The following PACRG variants were observed in gnomAD, a reference collection of about 807,000 sequenced individuals.
PACRG encodes the protein parkin coregulated gene protein.
In PACRG, 29 loss-of-function variants were observed where a neutral mutation model predicts 29.7. That is an observed-to-expected ratio of 0.98 (90% confidence interval 0.73 to 1.33). PACRG has a LOEUF of 1.33. Ranked by LOEUF, PACRG falls within the 40% of genes most tolerant of loss-of-function variation. The pLI is 0.00. For missense variants in PACRG, 279 were observed against 316.2 expected (o/e 0.88, Z 0.89); for synonymous variants, 116 against 118.7 (o/e 0.98, Z 0.15).
At chr6:163,102,991 C>A (rs1815184760) in intron 4 of PACRG, among the ~76,000 whole-genome samples, 1 of 152,110 alleles carries the variant, frequency 6.6e-6, no homozygotes, top group Admixed American at 6.5e-5. Context: ...GTTCTTAGCA[C>A]TTCCTGAGAT....
At chr6:163,291,400 A>AC (rs1207357208) in intron 4 of PACRG, among the ~76,000 whole-genome samples, 2 of 121,532 alleles carry the variant, frequency 1.6e-5, no homozygotes, top group Non-Finnish European at 3.4e-5. Flanking sequence ...CTGCAAGATG[A>AC]CCCTCTGCCT....
At chr6:162,767,372 A>G (rs1782880522) in intron 1 of PACRG, among the ~76,000 whole-genome samples, 1 of 151,836 alleles carries the variant, frequency 6.6e-6, no homozygotes, top group Non-Finnish European at 1.5e-5. Context: ...GGTGACTATA[A>G]TTTTTATCAT....
At chr6:162,775,212 G>A (rs56918289) in intron 1 of PACRG, among the ~76,000 whole-genome samples, 6,562 of 152,214 alleles carry the variant, frequency 0.043, 476 homozygotes, top group African/African-American at 0.15. Flanking sequence ...CACCAAGTCT[G>A]CTGGTGCCTA....
At chr6:163,215,573 C>T (rs970060012) in intron 4 of PACRG, among the ~76,000 whole-genome samples, 3 of 152,066 alleles carry the variant, frequency 2.0e-5, no homozygotes, top group Admixed American at 6.6e-5. Context: ...GCTCATGGGA[C>T]ATCGAGGTAG....
intron 1 of PACRG, among the ~76,000 whole-genome samples, chr6:162,805,304 T>C (rs1353674806): frequency 2.6e-5 from 4 of 152,198 alleles, no homozygotes; most frequent in Admixed American, 2.0e-4. Context: ...TTATACTATA[T>C]TATAGTCTAA....
chr6:163,086,820 C>T, intron 3 of PACRG, among the ~76,000 whole-genome samples: 1 of 152,052 alleles, frequency 6.6e-6, no homozygotes, highest in East Asian at 1.9e-4. Flanking sequence ...AGTTATAAGT[C>T]TTGGAAAATA....
rs1562349362 is a variant in PACRG at position 163,269,837 on chromosome 6, A to AGGAG, written c.614-44990_614-44989insGGAG. The stretch of plus-strand genomic sequence containing the variant: ...GGAAGGAAGGAGAAAGAAAGAAAGA[A>AGGAG]AAAGAAAGAAAGAAAGAAAGAGAAA... On this transcript the variant is annotated intron_variant, in intron 4 of 4. Transcript: ENST00000366888. Among the ~76,000 whole-genome samples, 12 of 34,824 alleles carry AGGAG rather than the reference A, an allele frequency of 3.4e-4. 1 individual carries two copies. Among genetic ancestry groups the AGGAG allele is most frequent in the South Asian group, 8.8e-4 (1 of 1,134 alleles). The allele number at this position is 34,824 out of a possible 152,430, so 22.8% of individuals were successfully genotyped here.
At chr6:162,911,170 C>T (rs1796273662) in intron 2 of PACRG, among the ~76,000 whole-genome samples, 1 of 152,170 alleles carries the variant, frequency 6.6e-6, no homozygotes, top group Non-Finnish European at 1.5e-5. Flanking sequence ...AAGCAAACAG[C>T]TTCATTTTAC....
rs1783083755 is a variant in PACRG, at chr6:163,255,810, A to T, written c.614-59017A>T. ...GCCACCACACCCAGCTAATTTTTGT[A>T]TTTTTAGTAGAGATGGGGTTTTACC... On this transcript the variant is annotated intron_variant, in intron 4 of 4. Transcript: ENST00000366888. Among the ~76,000 whole-genome samples the T allele has an allele frequency of 2.0e-5, 3 of 151,896 alleles. 1 individual carries two copies. The South Asian group carries it at 6.2e-4, about 32-fold the overall frequency.
intron 2 of PACRG, among the ~76,000 whole-genome samples, chr6:163,051,062 C>A (rs1310067208): frequency 6.6e-6 from 1 of 152,230 alleles, no homozygotes; most frequent in Admixed American, 6.5e-5. Context: ...CTGCATTCAT[C>A]TTCCAGCTCC....
At chr6:163,009,628 T>C (rs947112355) in intron 2 of PACRG, among the ~76,000 whole-genome samples, 3 of 152,204 alleles carry the variant, frequency 2.0e-5, no homozygotes, top group African/African-American at 7.2e-5. Context: ...ATCCAAATTA[T>C]GAAAATTATT....
rs116466677 is a variant in PACRG, at chr6:163,299,975, G to A, written c.614-14852G>A. 4.0e-3 allele frequency among the ~76,000 whole-genome samples: 604 copies of A among 152,326 alleles called. 4 individuals carry two copies. The highest frequency in any genetic ancestry group is 0.014 in the African/African-American group (570 of 41,580). ...TCCAGGGTCTTGCTGATAGAAGCAC[G>A]TAGGGGGCACAGAGCTCCCAGTACA... On this transcript the variant is annotated intron_variant, in intron 4 of 4. Transcript: ENST00000366888.
intron 2 of PACRG, among the ~76,000 whole-genome samples, chr6:162,866,738 A>G (rs1457223484): frequency 1.3e-5 from 2 of 152,208 alleles, no homozygotes; most frequent in African/African-American, 4.8e-5. Context: ...ATAAAAGCCT[A>G]AACAGAAAAG....
At chr6:162,874,880 C>T (rs1793164598) in intron 2 of PACRG, among the ~76,000 whole-genome samples, 1 of 152,034 alleles carries the variant, frequency 6.6e-6, no homozygotes, top group Non-Finnish European at 1.5e-5. Context: ...CTCACACACC[C>T]ATTAACACAC....
intron 4 of PACRG, among the ~76,000 whole-genome samples, chr6:163,155,846 T>G (rs1326503188): frequency 6.6e-6 from 1 of 152,228 alleles, no homozygotes; most frequent in African/African-American, 2.4e-5. Context: ...CTTGCTTTAC[T>G]TGCTAGCCTT....
intron 4 of PACRG, among the ~76,000 whole-genome samples, chr6:163,201,922 C>T (rs201163011): frequency 9.9e-5 from 15 of 152,116 alleles, no homozygotes; most frequent in East Asian, 1.9e-4. Context: ...CCAACCTCGA[C>T]GTTAGATTTG....
At chr6:163,184,975 T>C (rs1391521877) in intron 4 of PACRG, 1 of 151,928 alleles carries the variant, frequency 6.6e-6, no homozygotes, top group Non-Finnish European at 1.5e-5. Flanking sequence ...TCATGGAAGA[T>C]TTGTTTTGTT....
rs1373831788 is a variant in PACRG, at chr6:162,787,580, GTGTATATATATATATATA to G, written c.157-26565_157-26548del. Among the ~76,000 whole-genome samples the G allele has an allele frequency of 2.6e-4, 18 of 69,172 alleles. 1 individual carries two copies. Among genetic ancestry groups the G allele is most frequent in the Admixed American group, 1.1e-3 (7 of 6,114 alleles). The allele number at this position is 69,172 out of a possible 152,430, so 45.4% of individuals were successfully genotyped here. A position where few individuals can be genotyped will look rare whatever the true frequency, so the allele number is the denominator to read the frequency against. On this transcript the variant is annotated intron_variant, in intron 1 of 4. Transcript: ENST00000366888. ...TTATTGTGTGTGTGTGTGTGTGTGT[GTGTATATATATATATATA>G]TATATATATATATATATATATATGG...
chr6:163,151,360 G>T (rs570807145), intron 4 of PACRG, among the ~76,000 whole-genome samples: 82 of 152,214 alleles, frequency 5.4e-4, no homozygotes, highest in African/African-American at 1.9e-3. Flanking sequence ...CCACAGTGTA[G>T]ACTGGAATGC....
Sources: allele counts gnomAD v4.1 joint callset (sites outside exome capture counted in the v4.1 genomes callset), GRCh38; gene constraint gnomAD v4.1.1; transcripts MANE v1.5; gene names NCBI Gene and HGNC (gene_info 2026-07-23, HGNC 2026-07-21).